RBFOX1: variants seen among roughly 807,000 people sequenced by gnomAD.
The protein encoded by RBFOX1 is RNA binding fox-1 homolog 1.
A neutral mutation model predicts 57.7 loss-of-function variants in RBFOX1; 8 were observed. The observed-to-expected ratio is 0.14, with a 90% CI of 0.08 to 0.25. The LOEUF (loss-of-function observed/expected upper bound fraction) is 0.25. RBFOX1 is among the 10% of genes least tolerant of loss of function. The pLI is 1.00. For synonymous variants in RBFOX1, 326 were observed against 222.4 expected (o/e 1.47, Z -4.15); for missense variants, 611 against 548.5 (o/e 1.11, Z -1.14).
At chr16:5,432,559 G>GTTTTTTTTTTTTTTTGTTT (rs2067781309) in intron 1 of RBFOX1, among the ~76,000 whole-genome samples, 5 of 94,220 alleles carry the variant, frequency 5.3e-5, no homozygotes, top group South Asian at 3.9e-4. Context: ...TTGTTTGTTT[G>GTTTTTTTTTTTTTTTGTTT]TTTTTTTTTT....
At chr16:6,296,582 G>A (rs1189823017) in intron 1 of RBFOX1, among the ~76,000 whole-genome samples, 1 of 151,988 alleles carries the variant, frequency 6.6e-6, no homozygotes, top group Non-Finnish European at 1.5e-5. Flanking sequence ...CACCACACCT[G>A]GCTAATCTTT....
chr16:7,157,472 C>T (rs1004035432), intron 4 of RBFOX1, among the ~76,000 whole-genome samples: 2 of 151,962 alleles, frequency 1.3e-5, no homozygotes, highest in Non-Finnish European at 2.9e-5. Context: ...TGCAATTCTG[C>T]CCTGGAATTT....
intron 1 of RBFOX1, among the ~76,000 whole-genome samples, chr16:5,349,841 C>A (rs9934334): frequency 6.6e-6 from 1 of 152,176 alleles, no homozygotes; most frequent in Non-Finnish European, 1.5e-5. Flanking sequence ...GAGCTGAGGC[C>A]CCAGGAAGCA....
intron 3 of RBFOX1, among the ~76,000 whole-genome samples, chr16:6,896,259 TCAAAA>T (rs1334414704): frequency 2.0e-5 from 3 of 152,186 alleles, no homozygotes; most frequent in Admixed American, 1.3e-4. Context: ...TGAGACTGTC[TCAAAA>T]CAAAACATAA....
rs931668932 is a variant in RBFOX1, at chr16:6,870,723, T to C, written c.-15-181334T>C. 2.6e-5 allele frequency among the ~76,000 whole-genome samples: 4 copies of C among 152,286 alleles called. No individual in the cohort carries two copies. The South Asian group carries it at 8.3e-4, about 32-fold the overall frequency. ...TATTTGGTTCAGTAATGTTGAATAA[T>C]TATTTCACCACCAAAACTCCTCCCC... On this transcript the variant is annotated intron_variant, in intron 3 of 15. Coordinates refer to ENST00000550418, the MANE Select transcript of RBFOX1 (RefSeq NM_018723.4).
chr16:5,871,545 C>T (rs1207459403), intron 4 of RBFOX1, among the ~76,000 whole-genome samples: 2 of 152,106 alleles, frequency 1.3e-5, no homozygotes, highest in East Asian at 1.9e-4. Flanking sequence ...CCCTATTTAT[C>T]GTCACGCAGC....
chr16:5,992,444 G>C (rs763932243), intron 4 of RBFOX1, among the ~76,000 whole-genome samples: 1 of 152,124 alleles, frequency 6.6e-6, no homozygotes, highest in Non-Finnish European at 1.5e-5. Context: ...ATGAAAATGC[G>C]TAAGACTGAA....
At chr16:6,478,722 C>T (rs1220183432) in intron 2 of RBFOX1, among the ~76,000 whole-genome samples, 2 of 151,598 alleles carry the variant, frequency 1.3e-5, no homozygotes, top group Non-Finnish European at 2.9e-5. Flanking sequence ...ATGGGAAGGC[C>T]AAGGAGAGGG....
At chr16:7,419,843 T>C (rs2098522679) in intron 4 of RBFOX1, among the ~76,000 whole-genome samples, 1 of 152,148 alleles carries the variant, frequency 6.6e-6, no homozygotes, top group South Asian at 2.1e-4. Flanking sequence ...GCATGTCCTT[T>C]TTTTTCTTTT....
intron 5 of RBFOX1, among the ~76,000 whole-genome samples, chr16:7,576,825 T>G (rs1166862008): frequency 2.6e-5 from 4 of 152,210 alleles, no homozygotes; most frequent in Admixed American, 2.0e-4. Flanking sequence ...AAGGAGCTCA[T>G]TTTGTTTTTG....
chr16:7,045,373 C>G (rs1182315856), intron 3 of RBFOX1, among the ~76,000 whole-genome samples: 1 of 152,260 alleles, frequency 6.6e-6, no homozygotes, highest in East Asian at 1.9e-4. Context: ...ACAAACATGT[C>G]TACTATAGAG....
intron 3 of RBFOX1, among the ~76,000 whole-genome samples, chr16:5,797,178 C>T (rs1372088907): frequency 1.3e-5 from 2 of 152,162 alleles, no homozygotes; most frequent in African/African-American, 4.8e-5. Context: ...AGGAACCAGC[C>T]ATGCTAGATG....
chr16:6,979,991 C>T (rs886761844), intron 3 of RBFOX1, among the ~76,000 whole-genome samples: 2 of 152,060 alleles, frequency 1.3e-5, no homozygotes, highest in Admixed American at 6.6e-5. Context: ...CTTCTAACAC[C>T]GTTTCTCCTT....
rs1370871898 is a variant in RBFOX1 at position 7,712,874 on chromosome 16, C to G, written c.*2129C>G. On this transcript the variant is annotated 3_prime_UTR_variant, in exon 16 of 16. Coordinates refer to ENST00000550418, the MANE Select transcript of RBFOX1 (RefSeq NM_018723.4). ...TTTGTATTGTGTTTCGAATCACAAA[C>G]ATAGAATTCTTACTGTGTTGGTTAA... The G allele has an allele frequency of 6.6e-6, 1 of 152,218 alleles. No homozygotes were observed. Among genetic ancestry groups the G allele is most frequent in the Admixed American group, 6.5e-5 (1 of 15,280 alleles). 9.4% of individuals were successfully genotyped at this position (152,218 alleles called of 1,614,324 possible).
intron 4 of RBFOX1, among the ~76,000 whole-genome samples, chr16:7,229,284 A>C (rs991532782): frequency 4.6e-5 from 7 of 152,272 alleles, no homozygotes; most frequent in African/African-American, 1.7e-4. Context: ...TTTCCTCCTA[A>C]GTTGAGGAGA....
chr16:7,405,917 G>C (rs1004120928), intron 4 of RBFOX1, among the ~76,000 whole-genome samples: 1 of 152,180 alleles, frequency 6.6e-6, no homozygotes. Context: ...GCCATGTCCA[G>C]AGACATTTTT....
At chr16:6,746,681 GAAA>G (rs201343789) in intron 3 of RBFOX1, among the ~76,000 whole-genome samples, 1 of 142,196 alleles carries the variant, frequency 7.0e-6, no homozygotes, top group Non-Finnish European at 1.5e-5. Context: ...AGGTGTCAGG[GAAA>G]AAAAAAAAGT....
intron 2 of RBFOX1, among the ~76,000 whole-genome samples, chr16:6,443,759 C>A (rs1442989021): frequency 6.6e-6 from 1 of 151,374 alleles, no homozygotes; most frequent in Non-Finnish European, 1.5e-5. Context: ...GTCCATCTAC[C>A]CATCTACCCA....
At chr16:6,273,252 C>T (rs937060230) in intron 1 of RBFOX1, among the ~76,000 whole-genome samples, 1 of 149,236 alleles carries the variant, frequency 6.7e-6, no homozygotes, top group East Asian at 2.0e-4. Flanking sequence ...GAGTGAGACT[C>T]TGTTTTAAAA....
Sources: allele counts gnomAD v4.1 joint callset (sites outside exome capture counted in the v4.1 genomes callset), GRCh38; gene constraint gnomAD v4.1.1; transcripts MANE v1.5; gene names NCBI Gene and HGNC (gene_info 2026-07-23, HGNC 2026-07-21).